The following CCNY variants were observed in gnomAD, a reference collection of about 807,000 sequenced individuals.
CCNY encodes cyclin-Y.
In CCNY, 19 loss-of-function variants were observed where a neutral mutation model predicts 42.8. The ratio of observed to expected loss-of-function variants is 0.44; its 90% CI spans 0.31 to 0.65. The LOEUF is 0.65. Ranked by LOEUF, CCNY falls within the 30% of genes least tolerant of loss-of-function variation. The pLI is 0.07. For synonymous variants in CCNY, 165 were observed against 162.7 expected (o/e 1.01, Z -0.11); for missense variants, 370 against 437.3 (o/e 0.85, Z 1.37).
intron 1 of CCNY, among the ~76,000 whole-genome samples, chr10:35,414,253 G>C (rs528014712): frequency 6.6e-6 from 1 of 152,268 alleles, no homozygotes; most frequent in Non-Finnish European, 1.5e-5. Flanking sequence ...CTAGGGTCTC[G>C]TCTGAAGACT....
chr10:35,300,387 G>A (rs143697711), intron 3 of CCNY, among the ~76,000 whole-genome samples: 1,686 of 151,900 alleles, frequency 0.011, 12 homozygotes, highest in Admixed American at 0.022. Flanking sequence ...TGGGGTGATC[G>A]TGGGTCTTGC....
At position 35,461,241 on chromosome 10, in the gene CCNY, C is replaced by T. The variant is rs181069344; in HGVS notation, c.155-22163C>T. On this transcript the variant is annotated intron_variant, in intron 1 of 9. Coordinates refer to ENST00000374704, the MANE Select transcript of CCNY (RefSeq NM_145012.6). ...AGGCAAACTTGACTAAGGACCATCT[C>T]GATAGGTAGAGGGACTGCAGCAATG... Among the ~76,000 whole-genome samples, 456 of 152,156 alleles carry T rather than the reference C, an allele frequency of 3.0e-3. 17 individuals carry two copies. The highest frequency in any genetic ancestry group is 0.027 in the Admixed American group (419 of 15,294).
chr10:35,431,053 G>T (rs983472254), intron 1 of CCNY, among the ~76,000 whole-genome samples: 1 of 151,016 alleles, frequency 6.6e-6, no homozygotes, highest in Non-Finnish European at 1.5e-5. Context: ...AGAGACGGAG[G>T]TTGCAGTGAG....
intron 7 of CCNY, among the ~76,000 whole-genome samples, chr10:35,546,307 G>A (rs1229944499): frequency 6.6e-6 from 1 of 152,208 alleles, no homozygotes; most frequent in South Asian, 2.1e-4. Context: ...AATTCCACAA[G>A]TTTTATCCCC....
At chr10:35,481,575 G>C (rs543900786) in intron 1 of CCNY, among the ~76,000 whole-genome samples, 123 of 152,290 alleles carry the variant, frequency 8.1e-4, no homozygotes, top group African/African-American at 2.6e-3. Context: ...GGTAGTAGTC[G>C]CTAGTCCAGA....
intron 3 of CCNY, 72 bp from the exon 4 acceptor site, chr10:35,516,451 C>A: frequency 2.0e-6 from 2 of 980,166 alleles, no homozygotes; most frequent in South Asian, 1.3e-5. Context: ...TCAAGTTAAG[C>A]GGGGGTGATG....
intron 1 of CCNY, among the ~76,000 whole-genome samples, chr10:35,411,448 A>G (rs1452686803): frequency 6.8e-5 from 9 of 132,204 alleles, no homozygotes; most frequent in Non-Finnish European, 1.4e-4. Context: ...CAGGAGGTGG[A>G]GGTTTGCAGT....
chr10:35,366,414 G>T (rs1836808712), intron 1 of CCNY, among the ~76,000 whole-genome samples: 1 of 152,202 alleles, frequency 6.6e-6, no homozygotes, highest in South Asian at 2.1e-4. Flanking sequence ...TATTTCCAAA[G>T]AATAGTACAG....
At chr10:35,260,753 C>G (rs1249479658) in intron 3 of CCNY, among the ~76,000 whole-genome samples, 1 of 152,154 alleles carries the variant, frequency 6.6e-6, no homozygotes, top group African/African-American at 2.4e-5. Flanking sequence ...CTTTTGGGAT[C>G]CTTGAGTTAC....
At chr10:35,253,553 C>A (rs1434132945) in intron 3 of CCNY, among the ~76,000 whole-genome samples, 1 of 148,552 alleles carries the variant, frequency 6.7e-6, no homozygotes, top group Non-Finnish European at 1.5e-5. Flanking sequence ...ATTGGGATTA[C>A]AGGCATGAGC....
At chr10:35,497,726 C>CAAAAAAA (rs34502756) in intron 2 of CCNY, among the ~76,000 whole-genome samples, 1 of 73,588 alleles carries the variant, frequency 1.4e-5, no homozygotes, top group Non-Finnish European at 2.8e-5. Flanking sequence ...GACTCCGTCT[C>CAAAAAAA]AAAAAAAAAA....
intron 4 of CCNY, among the ~76,000 whole-genome samples, chr10:35,525,167 A>AT (rs1211572740): frequency 3.3e-5 from 5 of 152,218 alleles, no homozygotes; most frequent in South Asian, 2.1e-4. Context: ...GTTTTTAATG[A>AT]TAAAAAAAAG....
chr10:35,430,293 C>T (rs932451553), intron 1 of CCNY, among the ~76,000 whole-genome samples: 4 of 140,654 alleles, frequency 2.8e-5, no homozygotes, highest in Non-Finnish European at 3.0e-5. Context: ...GCCGAGATCC[C>T]GCCACTGCAC....
chr10:35,295,707 T>A (rs1835463808), intron 3 of CCNY, among the ~76,000 whole-genome samples: 1 of 152,138 alleles, frequency 6.6e-6, no homozygotes, highest in Non-Finnish European at 1.5e-5. Context: ...TCTCTTAATC[T>A]TTTCAAAGTA....
At chr10:35,533,627 C>T (rs376605930) in intron 7 of CCNY, among the ~76,000 whole-genome samples, 4 of 152,324 alleles carry the variant, frequency 2.6e-5, no homozygotes, top group East Asian at 3.9e-4. Context: ...GGGCTGTTGC[C>T]TGGCCACCAT....
intron 1 of CCNY, among the ~76,000 whole-genome samples, chr10:35,369,524 A>G (rs915734990): frequency 6.6e-6 from 1 of 152,262 alleles, no homozygotes; most frequent in Admixed American, 6.5e-5. Context: ...AGTCATGAGA[A>G]TATAAATTAA....
At chr10:35,507,995 T>G (rs1840249464) in intron 3 of CCNY, among the ~76,000 whole-genome samples, 2 of 152,152 alleles carry the variant, frequency 1.3e-5, no homozygotes, top group Non-Finnish European at 2.9e-5. Context: ...GCCTGGATCC[T>G]CCACTGTCTG....
intron 1 of CCNY, among the ~76,000 whole-genome samples, chr10:35,372,189 G>C (rs1370737944): frequency 1.3e-5 from 2 of 152,194 alleles, no homozygotes; most frequent in Non-Finnish European, 2.9e-5. Flanking sequence ...GGGAAAGGAT[G>C]GGGGAACTCC....
At chr10:35,531,106 T>C (rs1253145409) in intron 7 of CCNY, among the ~76,000 whole-genome samples, 1 of 152,262 alleles carries the variant, frequency 6.6e-6, no homozygotes, top group African/African-American at 2.4e-5. Context: ...CTTAAAATGT[T>C]ATGCACTATT....
Sources: allele counts gnomAD v4.1 joint callset (sites outside exome capture counted in the v4.1 genomes callset), GRCh38; gene constraint gnomAD v4.1.1; transcripts MANE v1.5; gene names NCBI Gene and HGNC (gene_info 2026-07-23, HGNC 2026-07-21).